Variants in PCMTD1 observed in about 807,000 individuals in gnomAD.
PCMTD1 encodes protein-L-isoaspartate (D-aspartate) O-methyltransferase domain containing 1, also known as protein-L-isoaspartate O-methyltransferase domain-containing protein 1.
Under a neutral mutation model 37.6 loss-of-function variants are expected in PCMTD1, and 12 were observed. The ratio of observed to expected loss-of-function variants is 0.32; its 90% CI spans 0.20 to 0.52. The LOEUF (loss-of-function observed/expected upper bound fraction) is 0.52, where lower values mean the gene tolerates loss of function less well. Ranked by LOEUF, PCMTD1 falls within the 20% of genes least tolerant of loss-of-function variation. The probability of loss-of-function intolerance (pLI) is 0.97; values close to 1 mark genes in which losing one functional copy is unlikely to be tolerated. For synonymous variants in PCMTD1, 117 were observed against 135.8 expected (o/e 0.86, Z 0.96); for missense variants, 235 against 421.3 (o/e 0.56, Z 3.87).
chr8:51,842,915 T>C (rs1059041), intron 3 of PCMTD1, among the ~76,000 whole-genome samples: 104,443 of 152,040 alleles, frequency 0.69, 42,357 homozygotes, highest in Non-Finnish European at 0.9. Flanking sequence ...CTAAGGAATA[T>C]ACAAATGGCA....
chr8:51,829,865 G>GA (rs995586102), intron 5 of PCMTD1, among the ~76,000 whole-genome samples: 43 of 150,964 alleles, frequency 2.8e-4, no homozygotes, highest in Middle Eastern at 3.4e-3. Context: ...AATGAACACT[G>GA]AAAAAAAAAT....
At chr8:51,820,846 T>C in intron 5 of PCMTD1, 128 bp from the exon 6 acceptor site, 1 of 1,103,472 alleles carries the variant, frequency 9.1e-7, no homozygotes, top group Non-Finnish European at 1.2e-6. Flanking sequence ...ATGAAAACTC[T>C]ACCTTTCATC....
intron 1 of PCMTD1, among the ~76,000 whole-genome samples, chr8:51,892,378 T>C: frequency 6.6e-6 from 1 of 152,160 alleles, no homozygotes; most frequent in East Asian, 1.9e-4. Context: ...CTGCTACCCA[T>C]CACCACTACC....
At chr8:51,854,442 G>GCCTAACT (rs2038353703) in intron 2 of PCMTD1, among the ~76,000 whole-genome samples, 2 of 152,198 alleles carry the variant, frequency 1.3e-5, no homozygotes, top group Middle Eastern at 3.4e-3. Flanking sequence ...GCAGAAAAAA[G>GCCTAACT]ATGCCCAGAA....
intron 2 of PCMTD1, among the ~76,000 whole-genome samples, chr8:51,855,218 T>G: frequency 1.1e-5 from 1 of 91,264 alleles, no homozygotes. Flanking sequence ...AATTTATAAT[T>G]CCTAAAAAGA....
chr8:51,878,258 T>TTTG (rs1393097145), intron 1 of PCMTD1, among the ~76,000 whole-genome samples: 10 of 150,028 alleles, frequency 6.7e-5, no homozygotes, highest in East Asian at 2.0e-4. Flanking sequence ...TGGTTTTTTT[T>TTTG]TTTTTTTAGC....
At chr8:51,835,612 A>G (rs1476963390) in intron 3 of PCMTD1, among the ~76,000 whole-genome samples, 4 of 152,174 alleles carry the variant, frequency 2.6e-5, no homozygotes, top group Non-Finnish European at 5.9e-5. Flanking sequence ...AAATGCTTTA[A>G]TTTTATAATA....
chr8:51,879,187 A>G (rs1377457289), intron 1 of PCMTD1, among the ~76,000 whole-genome samples: 9 of 151,936 alleles, frequency 5.9e-5, no homozygotes, highest in Admixed American at 5.9e-4. Context: ...CCTTCACAGT[A>G]TATATGTCCT....
intron 3 of PCMTD1, among the ~76,000 whole-genome samples, chr8:51,841,304 T>A (rs2038144214): frequency 6.6e-6 from 1 of 152,210 alleles, no homozygotes; most frequent in Admixed American, 6.5e-5. Context: ...ATTACTCATA[T>A]CATGACTCAT....
At chr8:51,831,416 C>T (rs1225417000) in intron 5 of PCMTD1, 28 bp downstream of exon 5, 1 of 1,605,240 alleles carries the variant, frequency 6.2e-7, no homozygotes, top group African/African-American at 1.3e-5. Flanking sequence ...AGTCATAATT[C>T]AATCAGAAAA....
chr8:51,881,809 G>C (rs181788145), intron 1 of PCMTD1, among the ~76,000 whole-genome samples: 1 of 151,940 alleles, frequency 6.6e-6, no homozygotes, highest in East Asian at 1.9e-4. Flanking sequence ...CATTTTTTTC[G>C]ATTTCAAAAG....
chr8:51,820,581 T>C lies in PCMTD1; in HGVS notation c.844A>G (p.Lys282Glu). 6.2e-7 allele frequency: 1 copy of C among 1,612,802 alleles called. No individual in the cohort carries two copies. The highest frequency in any genetic ancestry group is 8.5e-7 in the Non-Finnish European group (1 of 1,179,670). ...APPKRKRKRV[K>E]QRINTYVFVG... The stretch of plus-strand genomic sequence containing the variant: ...AATACGTAAGTGTTAATTCTCTGTT[T>C]AACTCTCTTTCTTTTCCTTTTGGGT... The change falls in exon 6 of 6, where the codon AAA becomes GAA. Residue 282 changes from lysine (K) to glutamate (E), a missense_variant. Coordinates refer to ENST00000522514, the MANE Select transcript of PCMTD1 (RefSeq NM_052937.4).
At chr8:51,882,402 C>T (rs972437155) in intron 1 of PCMTD1, among the ~76,000 whole-genome samples, 13 of 152,140 alleles carry the variant, frequency 8.5e-5, no homozygotes, top group African/African-American at 1.2e-4. Context: ...GGTTTCAACA[C>T]GTGACTTTTA....
In PCMTD1 at chr8:51,832,983, C is replaced by A. The variant is rs182566040; in HGVS notation, c.582+535G>T. Among the ~76,000 whole-genome samples, 19 of 152,260 alleles carry A rather than the reference C, an allele frequency of 1.2e-4. No individual in the cohort carries two copies. The East Asian group carries it at 3.7e-3, about 29-fold the overall frequency. ...ACCTCAGCCTTCTGAGTAGCTGAGA[C>A]TACAGGTGCATCACCACGCCTGGAT... On this transcript the variant is annotated intron_variant, in intron 4 of 5. Coordinates refer to ENST00000522514, the MANE Select transcript of PCMTD1 (RefSeq NM_052937.4).
chr8:51,853,533 T>C (rs2038339458), intron 2 of PCMTD1, among the ~76,000 whole-genome samples: 1 of 152,172 alleles, frequency 6.6e-6, no homozygotes, highest in Non-Finnish European at 1.5e-5. Flanking sequence ...TACTGTATAA[T>C]AGTTATGTTC....
chr8:51,850,097 G>C, intron 2 of PCMTD1: 1 of 702,320 alleles, frequency 1.4e-6, no homozygotes. Flanking sequence ...CTGGTGTGGT[G>C]AGAAAGATAG....
intron 5 of PCMTD1, chr8:51,826,978 C>T (rs917339617): frequency 3.2e-6 from 3 of 931,390 alleles, no homozygotes; most frequent in Non-Finnish European, 3.8e-6. Flanking sequence ...CTACAAGATA[C>T]ATTTGGCAAA....
intron 1 of PCMTD1, among the ~76,000 whole-genome samples, chr8:51,889,264 G>A (rs78352839): frequency 7.2e-4 from 109 of 152,196 alleles, no homozygotes; most frequent in African/African-American, 2.6e-3. Context: ...AGTAGTATAC[G>A]ACTCACAAAA....
At chr8:51,865,844 G>T (rs981583170) in intron 1 of PCMTD1, among the ~76,000 whole-genome samples, 1 of 151,444 alleles carries the variant, frequency 6.6e-6, no homozygotes, top group South Asian at 2.1e-4. Context: ...AAAATAAAGG[G>T]CATCTAAATA....
Sources: allele counts gnomAD v4.1 joint callset (sites outside exome capture counted in the v4.1 genomes callset), GRCh38; gene constraint gnomAD v4.1.1; transcripts MANE v1.5; gene names NCBI Gene and HGNC (gene_info 2026-07-23, HGNC 2026-07-21).